The following ERBB4 variants were observed in gnomAD, a reference collection of about 807,000 sequenced individuals.
ERBB4 encodes the protein erb-b2 receptor tyrosine kinase 4.
ERBB4 carries 42 observed loss-of-function variants against 158.0 expected under a neutral mutation model. The observed-to-expected ratio is 0.27, with a 90% CI of 0.21 to 0.34. The LOEUF is 0.34. ERBB4 is among the 10% of genes least tolerant of loss of function. The probability of loss-of-function intolerance (pLI) is 1.00; values close to 1 mark genes in which losing one functional copy is unlikely to be tolerated. For missense variants in ERBB4, 1,333 were observed against 1,624.1 expected (o/e 0.82, Z 3.08); for synonymous variants, 583 against 558.7 (o/e 1.04, Z -0.61).
At chr2:212,149,115 T>C in intron 1 of ERBB4, among the ~76,000 whole-genome samples, 1 of 150,228 alleles carries the variant, frequency 6.7e-6, no homozygotes. Flanking sequence ...TGTATACATA[T>C]GTAACTAACC....
intron 17 of ERBB4, among the ~76,000 whole-genome samples, chr2:211,629,219 T>A (rs953308501): frequency 1.3e-5 from 2 of 152,154 alleles, no homozygotes; most frequent in Non-Finnish European, 2.9e-5. Context: ...AAAATCAATG[T>A]GCAAAAATCA....
intron 1 of ERBB4, among the ~76,000 whole-genome samples, chr2:212,333,118 C>G (rs1233443997): frequency 6.6e-6 from 1 of 151,968 alleles, no homozygotes; most frequent in African/African-American, 2.4e-5. Flanking sequence ...TGCTTAAATT[C>G]AGTAGATGGG....
intron 1 of ERBB4, among the ~76,000 whole-genome samples, chr2:212,267,532 T>C (rs1208898768): frequency 6.6e-6 from 1 of 151,720 alleles, no homozygotes; most frequent in African/African-American, 2.4e-5. Context: ...AAATAAGGTA[T>C]CTTCATTGGT....
intron 3 of ERBB4, among the ~76,000 whole-genome samples, chr2:211,913,690 T>C (rs1411674616): frequency 6.7e-6 from 1 of 150,176 alleles, no homozygotes; most frequent in Non-Finnish European, 1.5e-5. Flanking sequence ...TGTGTATATA[T>C]ACATAGAGAG....
At chr2:212,274,696 G>C (rs1025270157) in intron 1 of ERBB4, among the ~76,000 whole-genome samples, 1 of 151,656 alleles carries the variant, frequency 6.6e-6, no homozygotes, top group Non-Finnish European at 1.5e-5. Flanking sequence ...ATAGGTTTGT[G>C]TATATTTTAT....
chr2:212,114,937 A>T (rs763827219), intron 2 of ERBB4, among the ~76,000 whole-genome samples: 1 of 152,216 alleles, frequency 6.6e-6, no homozygotes, highest in Admixed American at 6.5e-5. Flanking sequence ...ACAGCCAACC[A>T]GCTCTTGTTG....
At chr2:211,479,634 G>A (rs140480943) in intron 20 of ERBB4, among the ~76,000 whole-genome samples, 15 of 152,116 alleles carry the variant, frequency 9.9e-5, no homozygotes, top group African/African-American at 3.1e-4. Flanking sequence ...AATATCTATC[G>A]GCACAGGAAC....
At chr2:211,827,623 T>G (rs555530420) in intron 3 of ERBB4, among the ~76,000 whole-genome samples, 1 of 151,634 alleles carries the variant, frequency 6.6e-6, no homozygotes, top group East Asian at 2.0e-4. Context: ...GTCAAAAAAC[T>G]TAAGTAAATT....
chr2:212,161,624 T>C (rs1311072040), intron 1 of ERBB4, among the ~76,000 whole-genome samples: 1 of 151,918 alleles, frequency 6.6e-6, no homozygotes, highest in African/African-American at 2.4e-5. Context: ...TCCTTTTTCA[T>C]CAACTATCTT....
intron 1 of ERBB4, among the ~76,000 whole-genome samples, chr2:212,134,676 C>CTTTTTTT (rs869141215): frequency 8.7e-5 from 6 of 69,060 alleles, no homozygotes; most frequent in South Asian, 1.2e-3. Flanking sequence ...TAAACACTTT[C>CTTTTTTT]TTTTTTTTTT....
At chr2:211,938,292 G>A (rs1653470637) in intron 3 of ERBB4, among the ~76,000 whole-genome samples, 1 of 152,042 alleles carries the variant, frequency 6.6e-6, no homozygotes, top group Admixed American at 6.6e-5. Context: ...AGGAAACTGA[G>A]GCTTAGAAAG....
At chr2:211,753,896 C>T (rs1172273221) in intron 4 of ERBB4, among the ~76,000 whole-genome samples, 5 of 129,996 alleles carry the variant, frequency 3.8e-5, no homozygotes, top group East Asian at 4.4e-4. Flanking sequence ...CTCGCTCTGT[C>T]GCCCAGGCTG....
chr2:212,343,126 A>G (rs887619839), intron 1 of ERBB4, among the ~76,000 whole-genome samples: 3 of 152,202 alleles, frequency 2.0e-5, no homozygotes, highest in African/African-American at 7.2e-5. Context: ...CAATGAACAT[A>G]TTTAACAACT....
At chr2:211,722,269 A>G (rs1204636107) in intron 7 of ERBB4, 124 bp downstream of exon 7, 3 of 759,378 alleles carry the variant, frequency 4.0e-6, no homozygotes, top group Non-Finnish European at 6.7e-6. Context: ...TGGGGGCAAT[A>G]GTATCTATAC....
At chr2:211,555,649 A>G (rs116409821) in intron 20 of ERBB4, among the ~76,000 whole-genome samples, 216 of 152,354 alleles carry the variant, frequency 1.4e-3, no homozygotes, top group Non-Finnish European at 2.3e-3. Context: ...AAAAGCCAGA[A>G]GAGATTCAGG....
At chr2:211,644,618 A>T (rs922636908) in intron 16 of ERBB4, among the ~76,000 whole-genome samples, 2 of 152,050 alleles carry the variant, frequency 1.3e-5, no homozygotes, top group African/African-American at 4.8e-5. Flanking sequence ...AAGCTAGAAT[A>T]TTAATTTTCC....
Position 212,143,412 on chromosome 2 carries a change from G to A in ERBB4, c.83-18509C>T, listed in dbSNP as rs188552547. 1.2e-4 allele frequency among the ~76,000 whole-genome samples: 19 copies of A among 152,200 alleles called. No individual in the cohort carries two copies. The East Asian group carries it at 3.7e-3, about 29-fold the overall frequency. ...TTCTTTGATCCTAAATTACCTAAGAGATGGTTATAAGAGCCAAAATTATTA... is the reference window on the plus strand; with the variant it reads ...TTCTTTGATCCTAAATTACCTAAGAAATGGTTATAAGAGCCAAAATTATTA... On this transcript the variant is annotated intron_variant, in intron 1 of 27. Transcript: ENST00000342788.
chr2:212,111,662 G>T (rs1416284596), intron 2 of ERBB4, among the ~76,000 whole-genome samples: 3 of 149,106 alleles, frequency 2.0e-5, no homozygotes, highest in African/African-American at 5.0e-5. Context: ...CTCACATTTT[G>T]TTTCTTCCAT....
At chr2:212,523,085 A>G (rs1276516210) in intron 1 of ERBB4, among the ~76,000 whole-genome samples, 2 of 151,978 alleles carry the variant, frequency 1.3e-5, no homozygotes, top group Non-Finnish European at 2.9e-5. Flanking sequence ...TTTATAGTGT[A>G]GATCCAAAAG....
Sources: gnomAD v4.1 joint callset for allele counts (sites outside exome capture counted in the v4.1 genomes callset) on GRCh38, gnomAD v4.1.1 for gene constraint, MANE v1.5 for transcripts, NCBI Gene and HGNC (gene_info 2026-07-23, HGNC 2026-07-21) for gene names.